GSG1L: variants seen among roughly 807,000 people sequenced by gnomAD.
The protein encoded by GSG1L is GSG1 like.
Under a neutral mutation model 42.1 loss-of-function variants are expected in GSG1L, and 24 were observed. The ratio of observed to expected loss-of-function variants is 0.57; its 90% CI spans 0.41 to 0.80. The LOEUF (loss-of-function observed/expected upper bound fraction) is 0.80, where lower values mean the gene tolerates loss of function less well. GSG1L is among the 30% of genes least tolerant of loss of function. The pLI, the probability that GSG1L is intolerant of heterozygous loss-of-function variation, is 0.00. For synonymous variants in GSG1L, 215 were observed against 203.5 expected, an observed-to-expected ratio of 1.06 and a Z score of -0.48; for missense variants, 445 against 472.2, an observed-to-expected ratio of 0.94 and a Z score of 0.53.
In GSG1L at chr16:27,955,431, A is replaced by G. The variant is rs76263206; in HGVS notation, c.397+7725T>C. Among the ~76,000 whole-genome samples, 358 of 152,294 alleles carry G rather than the reference A, an allele frequency of 2.4e-3. 15 individuals carry two copies. The East Asian group carries it at 0.061, about 26-fold the overall frequency. On this transcript the variant is annotated intron_variant, in intron 2 of 6. Transcript: ENST00000447459. ...AAATGGAAGATTAAAAAAAAGTGAG[A>G]ACAGAAAATAAGATATTAAAAGCTT...
At chr16:27,792,333 C>A (rs949885898) in intron 6 of GSG1L, among the ~76,000 whole-genome samples, 1 of 152,058 alleles carries the variant, frequency 6.6e-6, no homozygotes, top group African/African-American at 2.4e-5. Flanking sequence ...CTCTGGGCAC[C>A]GAGGCAGGGG....
chr16:27,888,440 CTTTCTTTCTTTCTTTCTTTCTT>C (rs1414487038), intron 2 of GSG1L, among the ~76,000 whole-genome samples: 14 of 23,886 alleles, frequency 5.9e-4, no homozygotes, highest in South Asian at 0.011. Flanking sequence ...TTCTTTCTTT[CTTTCTTTCTTTCTTTCTTTCTT>C]TCTCTCTCTC....
At chr16:27,981,520 C>T (rs1043083770) in intron 1 of GSG1L, among the ~76,000 whole-genome samples, 2 of 152,180 alleles carry the variant, frequency 1.3e-5, no homozygotes, top group Non-Finnish European at 2.9e-5. Context: ...TTGGATTCTC[C>T]GGAGGCCTCT....
chr16:27,888,444 CTTTCTTTCTT>C (rs1567505629), intron 2 of GSG1L, among the ~76,000 whole-genome samples: 511 of 24,300 alleles, frequency 0.021, 22 homozygotes, highest in Non-Finnish European at 0.055. Flanking sequence ...TTCTTTCTTT[CTTTCTTTCTT>C]TCTTTCTTTC....
intron 2 of GSG1L, among the ~76,000 whole-genome samples, chr16:27,927,077 C>T (rs1165990726): frequency 6.6e-6 from 1 of 152,138 alleles, no homozygotes; most frequent in Non-Finnish European, 1.5e-5. Context: ...TGACAGGTCT[C>T]CCATGTCCTC....
At chr16:27,804,266 C>T (rs1040569351) in intron 6 of GSG1L, among the ~76,000 whole-genome samples, 3 of 152,130 alleles carry the variant, frequency 2.0e-5, no homozygotes, top group Non-Finnish European at 4.4e-5. Context: ...CATTGCCCTC[C>T]CTGCCTCAGC....
chr16:28,003,621 T>A (rs1010807711), intron 1 of GSG1L, among the ~76,000 whole-genome samples: 1 of 152,134 alleles, frequency 6.6e-6, no homozygotes, highest in African/African-American at 2.4e-5. Flanking sequence ...CCGTGACTGA[T>A]GTTGGGGAAG....
chr16:27,964,705 T>C (rs1014165895), intron 1 of GSG1L, among the ~76,000 whole-genome samples: 4 of 152,160 alleles, frequency 2.6e-5, no homozygotes, highest in African/African-American at 9.7e-5. Flanking sequence ...TACTTATTTG[T>C]GGGATCTAAA....
intron 4 of GSG1L, among the ~76,000 whole-genome samples, chr16:27,836,992 G>A (rs1041018282): frequency 2.6e-5 from 4 of 152,186 alleles, no homozygotes; most frequent in Non-Finnish European, 4.4e-5. Flanking sequence ...TGGCTTTGGC[G>A]AGGTGGAGGC....
intron 3 of GSG1L, among the ~76,000 whole-genome samples, chr16:27,869,754 T>C (rs1404963367): frequency 8.3e-6 from 1 of 120,136 alleles, no homozygotes; most frequent in Non-Finnish European, 1.8e-5. Context: ...TCTCTCTCCT[T>C]CTCTGTCTCT....
At chr16:28,051,883 G>A (rs913679571) in intron 1 of GSG1L, among the ~76,000 whole-genome samples, 4 of 152,212 alleles carry the variant, frequency 2.6e-5, no homozygotes, top group African/African-American at 9.7e-5. Context: ...CCAGCAGTAT[G>A]CAGTAGGATT....
At chr16:27,954,652 T>C (rs779279164) in intron 2 of GSG1L, among the ~76,000 whole-genome samples, 3 of 152,026 alleles carry the variant, frequency 2.0e-5, no homozygotes, top group Non-Finnish European at 4.4e-5. Flanking sequence ...GAACTTTTTG[T>C]TTTGTTTCAT....
chr16:27,803,744 G>T (rs1460311679), intron 6 of GSG1L, among the ~76,000 whole-genome samples: 5 of 144,374 alleles, frequency 3.5e-5, no homozygotes, highest in African/African-American at 1.3e-4. Context: ...GCTCTTCTCT[G>T]ATCCTTTTCC....
At chr16:28,033,735 G>T (rs2085994118) in intron 1 of GSG1L, among the ~76,000 whole-genome samples, 1 of 152,122 alleles carries the variant, frequency 6.6e-6, no homozygotes, top group Non-Finnish European at 1.5e-5. Context: ...AATTACTCAG[G>T]AAATAGTGCT....
intron 2 of GSG1L, among the ~76,000 whole-genome samples, chr16:27,945,023 G>C (rs1324831219): frequency 2.7e-5 from 4 of 146,358 alleles, no homozygotes; most frequent in African/African-American, 1.0e-4. Context: ...GCTGGAGTGA[G>C]TTATGATTGT....
intron 6 of GSG1L, among the ~76,000 whole-genome samples, chr16:27,804,269 G>T (rs1411587473): frequency 1.3e-5 from 2 of 152,076 alleles, no homozygotes; most frequent in East Asian, 3.9e-4. Context: ...TGCCCTCCCT[G>T]CCTCAGCCAC....
At chr16:27,837,439 G>T (rs143459887) in intron 4 of GSG1L, among the ~76,000 whole-genome samples, 2 of 152,150 alleles carry the variant, frequency 1.3e-5, no homozygotes, top group Admixed American at 6.5e-5. Flanking sequence ...CCAGGTGAGG[G>T]TGGGGGTGGG....
In GSG1L at chr16:27,791,486, G is replaced by A; in HGVS notation, c.899-19C>T. On this transcript the variant is annotated intron_variant, in intron 6 of 6. Coordinates refer to ENST00000447459, the MANE Select transcript of GSG1L (RefSeq NM_001109763.2). Reference sequence around the variant, plus strand: ...TGGTGTCCTGCCAGGAGACAAGGCGGTCAGTGCTGAAAGCCACCTTCCTCC... The same window carrying A: ...TGGTGTCCTGCCAGGAGACAAGGCGATCAGTGCTGAAAGCCACCTTCCTCC... 1 of 1,449,172 alleles carries A rather than the reference G, an allele frequency of 6.9e-7. No homozygotes were observed. The highest frequency in any genetic ancestry group is 9.1e-7 in the Non-Finnish European group (1 of 1,093,082). 89.8% of individuals were successfully genotyped at this position (1,449,172 alleles called of 1,614,324 possible).
At chr16:28,048,055 C>CAA (rs57485332) in intron 1 of GSG1L, among the ~76,000 whole-genome samples, 10 of 77,672 alleles carry the variant, frequency 1.3e-4, no homozygotes, top group Non-Finnish European at 1.7e-4. Flanking sequence ...CTCATCTTTA[C>CAA]AAAAAAAAAA....
Sources: gnomAD v4.1 joint callset for allele counts (sites outside exome capture counted in the v4.1 genomes callset) on GRCh38, gnomAD v4.1.1 for gene constraint, MANE v1.5 for transcripts, NCBI Gene and HGNC (gene_info 2026-07-23, HGNC 2026-07-21) for gene names.